The following DLGAP1 variants were observed in gnomAD, a reference collection of about 807,000 sequenced individuals.
DLGAP1 encodes the protein DLG associated protein 1.
A neutral mutation model predicts 90.8 loss-of-function variants in DLGAP1; 11 were observed. The ratio of observed to expected loss-of-function variants is 0.12; its 90% CI spans 0.08 to 0.20. DLGAP1 has a LOEUF of 0.20. Among genes scored for constraint, DLGAP1 ranks in the 10% least tolerant of loss-of-function variants. The pLI is 1.00. For synonymous variants in DLGAP1, 558 were observed against 540.7 expected, an observed-to-expected ratio of 1.03 and a Z score of -0.44; for missense variants, 1,050 against 1,333.8, an observed-to-expected ratio of 0.79 and a Z score of 3.31.
At chr18:4,111,652 TTC>T (rs2075974502) in intron 2 of DLGAP1, among the ~76,000 whole-genome samples, 1 of 152,134 alleles carries the variant, frequency 6.6e-6, no homozygotes, top group South Asian at 2.1e-4. Flanking sequence ...GATTTAGATT[TTC>T]TCTTTGTCTG....
At chr18:3,938,237 C>CATGATGAACA (rs1410784776) in intron 3 of DLGAP1, among the ~76,000 whole-genome samples, 5 of 152,140 alleles carry the variant, frequency 3.3e-5, no homozygotes, top group African/African-American at 1.2e-4. Context: ...TTTCATCTGA[C>CATGATGAACA]TAGGGAGCTG....
At chr18:3,889,097 A>G (rs1337311717) in intron 3 of DLGAP1, among the ~76,000 whole-genome samples, 2 of 152,060 alleles carry the variant, frequency 1.3e-5, no homozygotes, top group African/African-American at 4.8e-5. Flanking sequence ...GAAGAGAAAA[A>G]CCCATCAGCG....
intron 1 of DLGAP1, among the ~76,000 whole-genome samples, chr18:4,206,298 A>T (rs559323035): frequency 3.5e-4 from 54 of 152,238 alleles, no homozygotes; most frequent in Non-Finnish European, 6.8e-4. Context: ...ATGATTCCGG[A>T]AGTTTTTAAG....
chr18:3,885,225 T>C (rs1310107926), intron 3 of DLGAP1: 2 of 152,162 alleles, frequency 1.3e-5, no homozygotes, highest in African/African-American at 2.4e-5. Context: ...ACTTCTTTTT[T>C]CCCCCCTCTC....
chr18:4,257,407 A>G (rs1281226041), intron 1 of DLGAP1, among the ~76,000 whole-genome samples: 1 of 152,232 alleles, frequency 6.6e-6, no homozygotes, highest in African/African-American at 2.4e-5. Context: ...CAGTGAATGT[A>G]TATGTTACTC....
At chr18:4,166,275 C>A (rs2076932134) in intron 1 of DLGAP1, among the ~76,000 whole-genome samples, 1 of 152,104 alleles carries the variant, frequency 6.6e-6, no homozygotes, top group African/African-American at 2.4e-5. Flanking sequence ...AAAAGATGCT[C>A]AATATCACTA....
intron 1 of DLGAP1, among the ~76,000 whole-genome samples, chr18:4,203,455 T>A (rs1028635547): frequency 6.6e-6 from 1 of 152,180 alleles, no homozygotes; most frequent in Non-Finnish European, 1.5e-5. Flanking sequence ...AAATCTTTAA[T>A]ATAGAAGCAG....
chr18:3,881,643 G>A (rs777332540), intron 3 of DLGAP1, among the ~76,000 whole-genome samples: 8 of 152,230 alleles, frequency 5.3e-5, no homozygotes, highest in Non-Finnish European at 1.2e-4. Flanking sequence ...GCCGGGCGCG[G>A]TGGCTCACTC....
rs2049813330 is a variant in DLGAP1 at position 3,499,456 on chromosome 18, G to A, written c.2725-62C>T. 6.6e-7 allele frequency: 1 copy of A among 1,522,946 alleles called. No individual in the cohort carries two copies. The highest frequency in any genetic ancestry group is 1.4e-5 in the African/African-American group (1 of 71,730). The allele number at this position is 1,522,946 out of a possible 1,614,324, so 94.3% of individuals were successfully genotyped here. A position where few individuals can be genotyped will look rare whatever the true frequency, so the allele number is the denominator to read the frequency against. ...TCTCAGGACAAGCTTGGGAAAAACT[G>A]GGATAGGTCAGTAGTTAGAACACAC... On this transcript the variant is annotated intron_variant, in intron 12 of 12. Transcript: ENST00000315677. The surrounding 1 kb of genome is among the most constrained non-coding windows in gnomAD (Gnocchi z 6.4).
chr18:3,805,443 G>T (rs964913936), intron 5 of DLGAP1, among the ~76,000 whole-genome samples: 3 of 152,152 alleles, frequency 2.0e-5, no homozygotes, highest in Non-Finnish European at 2.9e-5. Context: ...AGAGGCTGGG[G>T]GCGTCAATAC....
intron 2 of DLGAP1, among the ~76,000 whole-genome samples, chr18:4,008,222 T>TAA (rs1445067282): frequency 1.6e-4 from 23 of 141,802 alleles, no homozygotes; most frequent in Non-Finnish European, 7.7e-5. Context: ...TAAATATATA[T>TAA]ATATACACAC....
At chr18:3,916,526 T>C (rs1373581804) in intron 3 of DLGAP1, among the ~76,000 whole-genome samples, 1 of 152,232 alleles carries the variant, frequency 6.6e-6, no homozygotes, top group African/African-American at 2.4e-5. Context: ...AAGAAAATCC[T>C]GACCCATTGC....
chr18:4,058,907 A>T (rs990443221), intron 2 of DLGAP1, among the ~76,000 whole-genome samples: 3 of 152,218 alleles, frequency 2.0e-5, no homozygotes, highest in African/African-American at 7.2e-5. Context: ...TGTTGCTAAA[A>T]TGCTCTGAGT....
At chr18:4,327,771 T>C (rs1568516222) in intron 1 of DLGAP1, among the ~76,000 whole-genome samples, 1 of 152,020 alleles carries the variant, frequency 6.6e-6, no homozygotes, top group Non-Finnish European at 1.5e-5. Flanking sequence ...TGAAAACCAT[T>C]GTTCTGCTTT....
intron 3 of DLGAP1, among the ~76,000 whole-genome samples, chr18:3,943,443 A>G (rs139178555): frequency 2.3e-3 from 301 of 132,678 alleles, no homozygotes; most frequent in African/African-American, 8.3e-3. Flanking sequence ...TCTACTGTGA[A>G]AGAGAGGGTT....
chr18:3,694,849 G>A (rs1220689499), intron 7 of DLGAP1, among the ~76,000 whole-genome samples: 1 of 151,338 alleles, frequency 6.6e-6, no homozygotes, highest in Non-Finnish European at 1.5e-5. Context: ...ACTCTGATGA[G>A]TTTCTTTTGC....
At chr18:3,798,390 G>A (rs1939896619) in intron 5 of DLGAP1, among the ~76,000 whole-genome samples, 1 of 152,192 alleles carries the variant, frequency 6.6e-6, no homozygotes, top group South Asian at 2.1e-4. Flanking sequence ...TGGGGTCAAT[G>A]AGGGAAGGAA....
At chr18:3,747,326 A>G (rs1051570249) in intron 5 of DLGAP1, among the ~76,000 whole-genome samples, 1 of 152,244 alleles carries the variant, frequency 6.6e-6, no homozygotes, top group Non-Finnish European at 1.5e-5. Flanking sequence ...TGGTGATTCC[A>G]GCTGCATCGC....
chr18:4,315,874 T>C (rs762919029), intron 1 of DLGAP1, among the ~76,000 whole-genome samples: 2 of 152,162 alleles, frequency 1.3e-5, no homozygotes, highest in Admixed American at 6.5e-5. Context: ...GCTCAAAAAA[T>C]ACTGATTGAA....
Sources: gnomAD v4.1 joint callset for allele counts (sites outside exome capture counted in the v4.1 genomes callset) on GRCh38, gnomAD v4.1.1 for gene constraint, Gnocchi (gnomAD v3.1) non-coding constraint, MANE v1.5 for transcripts, NCBI Gene and HGNC (gene_info 2026-07-23, HGNC 2026-07-21) for gene names.